Variants in EEF2K observed in about 807,000 individuals in gnomAD.
EEF2K encodes the protein eukaryotic elongation factor 2 kinase.
In EEF2K, 70 loss-of-function variants were observed where a neutral mutation model predicts 93.8. The observed-to-expected ratio is 0.75, with a 90% CI of 0.62 to 0.91. The LOEUF (loss-of-function observed/expected upper bound fraction) is 0.91. Among genes scored for constraint, EEF2K ranks in the 40% least tolerant of loss-of-function variants. EEF2K has a pLI of 0.00. For missense variants in EEF2K, 935 were observed against 972.9 expected (o/e 0.96, Z 0.52); for synonymous variants, 376 against 380.8 (o/e 0.99, Z 0.15).
At chr16:22,227,642 G>T (rs1480979196) in intron 2 of EEF2K, among the ~76,000 whole-genome samples, 4 of 152,186 alleles carry the variant, frequency 2.6e-5, no homozygotes, top group Admixed American at 6.5e-5. Context: ...ACCAGGCTAT[G>T]CACTGAGTAC....
At position 22,225,912 on chromosome 16, in the gene EEF2K, C is replaced by A; in HGVS notation, c.183C>A (p.Ser61Arg). The change falls in exon 2 of 18, where the codon AGC becomes AGA. Residue 61 changes from serine to arginine, a missense_variant. Coordinates refer to ENST00000263026, the MANE Select transcript of EEF2K (RefSeq NM_013302.5). ...NVNSKVNKYY[S>R]NLTKSERYSS... is the part of the protein sequence containing the mutation. Reference sequence around the variant, plus strand: ...ATTCCAAGGTTAATAAGTACTACAGCAACCTAACAAAAAGTGAGCGGTATA... The same window carrying A: ...ATTCCAAGGTTAATAAGTACTACAGAAACCTAACAAAAAGTGAGCGGTATA... 1.2e-6 allele frequency: 2 copies of A among 1,614,182 alleles called. No homozygotes were observed. The highest frequency in any genetic ancestry group is 1.7e-6 in the Non-Finnish European group (2 of 1,180,038).
At chr16:22,255,386 G>A (rs1388755482) in intron 6 of EEF2K, among the ~76,000 whole-genome samples, 3 of 152,126 alleles carry the variant, frequency 2.0e-5, no homozygotes, top group Non-Finnish European at 2.9e-5. Flanking sequence ...CGTTCCTTTG[G>A]TCTTTTTTCT....
At chr16:22,251,985 G>A (rs369534452) in intron 6 of EEF2K, among the ~76,000 whole-genome samples, 1 of 151,672 alleles carries the variant, frequency 6.6e-6, no homozygotes, top group African/African-American at 2.4e-5. Flanking sequence ...GTAGAGAAAG[G>A]GTTTTGCCAT....
intron 10 of EEF2K, among the ~76,000 whole-genome samples, chr16:22,259,997 C>T (rs2047446552): frequency 6.6e-6 from 1 of 152,182 alleles, no homozygotes; most frequent in Admixed American, 6.5e-5. Flanking sequence ...AGGTGATCCA[C>T]CTGCCTCGGC....
chr16:22,268,364 C>T (rs1352434880), intron 15 of EEF2K, among the ~76,000 whole-genome samples: 1 of 151,774 alleles, frequency 6.6e-6, no homozygotes, highest in East Asian at 2.0e-4. Context: ...AGAGACAGAG[C>T]TTCACCATGT....
intron 16 of EEF2K, among the ~76,000 whole-genome samples, chr16:22,277,761 T>G (rs1181556266): frequency 6.6e-6 from 1 of 152,232 alleles, no homozygotes; most frequent in Non-Finnish European, 1.5e-5. Context: ...TAGCCTGTTC[T>G]GTGCTGGTAA....
rs557380462 is a variant in EEF2K, at chr16:22,242,501, G to A, written c.247-2129G>A. Reference sequence around the variant, plus strand: ...CTTTTTTTTTTTTTAAAGTAGAGACGGGGTTTCACCACGTTGGCCAGGCTG... The same window carrying A: ...CTTTTTTTTTTTTTAAAGTAGAGACAGGGTTTCACCACGTTGGCCAGGCTG... On this transcript the variant is annotated intron_variant, in intron 2 of 17. Coordinates refer to ENST00000263026, the MANE Select transcript of EEF2K (RefSeq NM_013302.5). Among the ~76,000 whole-genome samples, 4 of 151,498 alleles carry A rather than the reference G, an allele frequency of 2.6e-5. No homozygotes were observed. The South Asian group carries it at 8.4e-4, about 32-fold the overall frequency.
At position 22,260,414 on chromosome 16, in the gene EEF2K, T is replaced by C. The variant is rs373640580; in HGVS notation, c.1232-48T>C. 31 of 1,605,886 alleles carry C rather than the reference T, an allele frequency of 1.9e-5. No individual in the cohort carries two copies. In the African/African-American group the frequency reaches 3.7e-4, roughly 19 times the overall value. Reference sequence around the variant, plus strand: ...CTAGGCCGTGGGTTGGTCTTATGCATGTTCCAGTAGTGGAACCAGGACATG... The same window carrying C: ...CTAGGCCGTGGGTTGGTCTTATGCACGTTCCAGTAGTGGAACCAGGACATG... On this transcript the variant is annotated intron_variant, in intron 10 of 17. Coordinates refer to ENST00000263026, the MANE Select transcript of EEF2K (RefSeq NM_013302.5).
intron 16 of EEF2K, among the ~76,000 whole-genome samples, chr16:22,278,432 G>T (rs1267651816): frequency 6.6e-6 from 1 of 152,180 alleles, no homozygotes; most frequent in African/African-American, 2.4e-5. Flanking sequence ...TGCAGAAAGA[G>T]TTGGAGGAAG....
chr16:22,273,283 C>T (rs1427156773), intron 15 of EEF2K, among the ~76,000 whole-genome samples: 2 of 152,146 alleles, frequency 1.3e-5, no homozygotes, highest in African/African-American at 2.4e-5. Context: ...GAAGACATGT[C>T]TAGGGAAAGG....
intron 2 of EEF2K, among the ~76,000 whole-genome samples, chr16:22,231,998 CAAAAAAAAAAAA>C (rs35198909): frequency 1.5e-5 from 1 of 65,988 alleles, no homozygotes; most frequent in South Asian, 6.8e-4. Context: ...CTTAAACAAA[CAAAAAAAAAAAA>C]AAAAAAAAAA....
chr16:22,268,258 A>C (rs1472207377), intron 15 of EEF2K, among the ~76,000 whole-genome samples: 3 of 151,816 alleles, frequency 2.0e-5, no homozygotes, highest in Non-Finnish European at 4.4e-5. Flanking sequence ...GGCTCAATGC[A>C]ACCTCCACTT....
intron 2 of EEF2K, among the ~76,000 whole-genome samples, chr16:22,244,043 T>A (rs544159317): frequency 1.3e-5 from 2 of 150,884 alleles, no homozygotes; most frequent in South Asian, 2.1e-4. Context: ...GCCAGGCCAA[T>A]GTGGTGAAAC....
chr16:22,280,586 T>C (rs1359555416), intron 17 of EEF2K, among the ~76,000 whole-genome samples: 1 of 152,162 alleles, frequency 6.6e-6, no homozygotes, highest in Non-Finnish European at 1.5e-5. Context: ...TTTTAAAAAC[T>C]GAATTGAGAT....
chr16:22,262,222 C>T (rs1246504175), intron 11 of EEF2K, among the ~76,000 whole-genome samples: 3 of 151,378 alleles, frequency 2.0e-5, no homozygotes, highest in African/African-American at 7.3e-5. Flanking sequence ...AAAAAATATG[C>T]CCAACTAGGC....
chr16:22,236,949 T>C (rs1354881930), intron 2 of EEF2K, among the ~76,000 whole-genome samples: 359 of 127,714 alleles, frequency 2.8e-3, no homozygotes, highest in African/African-American at 9.7e-3. Context: ...TTTTTTTTTT[T>C]TTTTTTTTTT....
intron 6 of EEF2K, among the ~76,000 whole-genome samples, chr16:22,254,090 C>T (rs1488143655): frequency 6.6e-6 from 1 of 151,946 alleles, no homozygotes; most frequent in Non-Finnish European, 1.5e-5. Context: ...CAGAGCAAGA[C>T]TCCATCCCCA....
chr16:22,254,633 T>G (rs2047382220), intron 6 of EEF2K, among the ~76,000 whole-genome samples: 1 of 152,192 alleles, frequency 6.6e-6, no homozygotes, highest in Non-Finnish European at 1.5e-5. Flanking sequence ...CATTTTCTTC[T>G]GTGTACAAAA....
chr16:22,224,242 A>T (rs2047041244), intron 1 of EEF2K, among the ~76,000 whole-genome samples: 1 of 152,198 alleles, frequency 6.6e-6, no homozygotes, highest in Non-Finnish European at 1.5e-5. Context: ...CCACTCCTTC[A>T]TTCTGGGAAA....
Sources: allele counts gnomAD v4.1 joint callset (sites outside exome capture counted in the v4.1 genomes callset), GRCh38; gene constraint gnomAD v4.1.1; transcripts MANE v1.5; gene names NCBI Gene and HGNC (gene_info 2026-07-23, HGNC 2026-07-21).